The following CSGALNACT1 variants were observed in gnomAD, a reference collection of about 807,000 sequenced individuals.
The protein encoded by CSGALNACT1 is beta4GalNAcT-1.
A neutral mutation model predicts 51.0 loss-of-function variants in CSGALNACT1; 52 were observed. The ratio of observed to expected loss-of-function variants is 1.02; its 90% CI spans 0.82 to 1.29. The LOEUF (loss-of-function observed/expected upper bound fraction) is 1.29, where lower values mean the gene tolerates loss of function less well. Among genes scored for constraint, CSGALNACT1 ranks in the 50% most tolerant of loss-of-function variants. CSGALNACT1 has a pLI of 0.00. For synonymous variants in CSGALNACT1, 341 were observed against 254.4 expected, an observed-to-expected ratio of 1.34 and a Z score of -3.24; for missense variants, 935 against 679.2, an observed-to-expected ratio of 1.38 and a Z score of -4.19.
At chr8:19,647,620 G>A (rs1257530795) in intron 1 of CSGALNACT1, among the ~76,000 whole-genome samples, 2 of 152,088 alleles carry the variant, frequency 1.3e-5, no homozygotes, top group Non-Finnish European at 2.9e-5. Flanking sequence ...TCTTTCAACA[G>A]AGCGGTGTAT....
At chr8:19,452,141 G>T (rs181028105) in intron 5 of CSGALNACT1, among the ~76,000 whole-genome samples, 1 of 152,212 alleles carries the variant, frequency 6.6e-6, no homozygotes, top group Non-Finnish European at 1.5e-5. Flanking sequence ...GGAAAGAAAT[G>T]GAAGTTTCTA....
intron 1 of CSGALNACT1, among the ~76,000 whole-genome samples, chr8:19,713,256 A>C (rs1303755098): frequency 6.6e-6 from 1 of 152,202 alleles, no homozygotes; most frequent in African/African-American, 2.4e-5. Flanking sequence ...ACCACATAAA[A>C]GATATAACTT....
intron 3 of CSGALNACT1, among the ~76,000 whole-genome samples, chr8:19,528,437 T>TAA (rs917674243): frequency 6.6e-6 from 1 of 152,130 alleles, no homozygotes; most frequent in African/African-American, 2.4e-5. Context: ...TAATTTTGTC[T>TAA]AAACACAGAC....
chr8:19,585,960 G>A (rs1315909482), intron 3 of CSGALNACT1, among the ~76,000 whole-genome samples: 1 of 152,186 alleles, frequency 6.6e-6, no homozygotes, highest in Admixed American at 6.5e-5. Context: ...GCTGGGAACA[G>A]CAGGCAGAGC....
At position 19,670,270 on chromosome 8, in the gene CSGALNACT1, A is replaced by G. The variant is rs1340466834; in HGVS notation, c.-544+12203T>C. ...GTGCCCATTGCAGTACCTTATAACT[A>G]GTAGAATCTCAGTGAGCTTTTGTGG... On this transcript the variant is annotated intron_variant, in intron 1 of 9. Transcript: ENST00000332246. Among the ~76,000 whole-genome samples the G allele has an allele frequency of 1.1e-4, 17 of 152,188 alleles. No individual in the cohort carries two copies. In the East Asian group the frequency reaches 3.3e-3, roughly 29 times the overall value.
chr8:19,484,757 C>T (rs1449150004), intron 4 of CSGALNACT1, among the ~76,000 whole-genome samples: 2 of 152,146 alleles, frequency 1.3e-5, no homozygotes, highest in East Asian at 1.9e-4. Context: ...CCAAGAAGTA[C>T]TTTTGTGGGC....
chr8:19,445,659 T>C, intron 5 of CSGALNACT1, among the ~76,000 whole-genome samples: 1 of 152,230 alleles, frequency 6.6e-6, no homozygotes, highest in Admixed American at 6.5e-5. Flanking sequence ...CCTTGAGTTC[T>C]CCATGTACTG....
intron 5 of CSGALNACT1, among the ~76,000 whole-genome samples, chr8:19,443,323 C>T (rs563153022): frequency 1.3e-4 from 20 of 151,714 alleles, no homozygotes; most frequent in Admixed American, 4.6e-4. Context: ...TATGCAAGTG[C>T]GTAAATCACT....
At chr8:19,637,494 T>TC (rs977252038) in intron 1 of CSGALNACT1, among the ~76,000 whole-genome samples, 5 of 152,180 alleles carry the variant, frequency 3.3e-5, no homozygotes, top group African/African-American at 1.2e-4. Flanking sequence ...TCTTGATTAT[T>TC]CCCCCCGAAG....
intron 3 of CSGALNACT1, among the ~76,000 whole-genome samples, chr8:19,520,890 T>A (rs1192631202): frequency 6.6e-6 from 1 of 152,104 alleles, no homozygotes; most frequent in African/African-American, 2.4e-5. Flanking sequence ...CAAATCGGGG[T>A]CTCTAGTCCG....
chr8:19,753,108 G>A (rs913537722), intron 1 of CSGALNACT1, among the ~76,000 whole-genome samples: 19 of 152,184 alleles, frequency 1.2e-4, no homozygotes, highest in Admixed American at 9.8e-4. Context: ...AGGAGAGGCA[G>A]GGAGACACCA....
At chr8:19,702,421 AG>A (rs1189878438) in intron 1 of CSGALNACT1, among the ~76,000 whole-genome samples, 3 of 152,124 alleles carry the variant, frequency 2.0e-5, no homozygotes, top group African/African-American at 7.2e-5. Context: ...CTGAGGCTGG[AG>A]GATCAATTCA....
At chr8:19,518,626 T>G (rs1434429896) in intron 3 of CSGALNACT1, among the ~76,000 whole-genome samples, 1 of 152,194 alleles carries the variant, frequency 6.6e-6, no homozygotes, top group African/African-American at 2.4e-5. Flanking sequence ...GAGAGCAGTT[T>G]CTCTTTTCCT....
chr8:19,523,744 C>T (rs1350551285), intron 3 of CSGALNACT1, among the ~76,000 whole-genome samples: 3 of 152,052 alleles, frequency 2.0e-5, no homozygotes, highest in Admixed American at 1.3e-4. Flanking sequence ...GGAGACAAAC[C>T]GAAGGGTCAG....
intron 1 of CSGALNACT1, among the ~76,000 whole-genome samples, chr8:19,713,809 A>G (rs1019420431): frequency 6.6e-6 from 1 of 152,188 alleles, no homozygotes; most frequent in Non-Finnish European, 1.5e-5. Flanking sequence ...AGTTGAAATT[A>G]ATTTCAATAC....
intron 1 of CSGALNACT1, among the ~76,000 whole-genome samples, chr8:19,647,918 T>C (rs2057425071): frequency 6.6e-6 from 1 of 152,192 alleles, no homozygotes; most frequent in Non-Finnish European, 1.5e-5. Context: ...AGGCACTCTG[T>C]GTTGTGCCAA....
chr8:19,457,603 A>T, intron 5 of CSGALNACT1: 2 of 1,127,950 alleles, frequency 1.8e-6, no homozygotes, highest in Non-Finnish European at 2.4e-6. Context: ...ACAGAGTAAG[A>T]CTCCATCTCA....
At chr8:19,603,720 C>T (rs995281964), upstream of CSGALNACT1, among the ~76,000 whole-genome samples, 1 of 152,220 alleles carries the variant, frequency 6.6e-6, no homozygotes, top group African/African-American at 2.4e-5. Flanking sequence ...GGCAGCAGAT[C>T]TGGAGGCTCC....
At chr8:19,588,775 G>A (rs182042105) in intron 3 of CSGALNACT1, among the ~76,000 whole-genome samples, 36 of 152,308 alleles carry the variant, frequency 2.4e-4, no homozygotes, top group Non-Finnish European at 4.3e-4. Flanking sequence ...TTCAAGACAG[G>A]ATATGGGGGA....
Sources: allele counts gnomAD v4.1 joint callset (sites outside exome capture counted in the v4.1 genomes callset), GRCh38; gene constraint gnomAD v4.1.1; transcripts MANE v1.5; gene names NCBI Gene and HGNC (gene_info 2026-07-23, HGNC 2026-07-21).